IFT172: variants seen among roughly 807,000 people sequenced by gnomAD.
IFT172 encodes the protein intraflagellar transport 172, also known as intraflagellar transport protein 172 homolog.
A neutral mutation model predicts 248.9 loss-of-function variants in IFT172; 164 were observed. The observed-to-expected ratio is 0.66, with a 90% CI of 0.58 to 0.75. The LOEUF (loss-of-function observed/expected upper bound fraction) is 0.75, where lower values mean the gene tolerates loss of function less well. Among genes scored for constraint, IFT172 ranks in the 30% least tolerant of loss-of-function variants. The pLI is 0.00. For synonymous variants in IFT172, 729 were observed against 791.6 expected, an observed-to-expected ratio of 0.92 and a Z score of 1.33; for missense variants, 1,950 against 2,192.4, an observed-to-expected ratio of 0.89 and a Z score of 2.21.
chr2:27,484,403 A>G, intron 3 of IFT172, 137 bp from the exon 4 acceptor site: 1 of 771,894 alleles, frequency 1.3e-6, no homozygotes, highest in Non-Finnish European at 2.1e-6. Context: ...CATCCTGGCT[A>G]ACACAGTGAA....
chr2:27,483,122 G>C (rs1668502828), intron 7 of IFT172, among the ~76,000 whole-genome samples, 167 bp downstream of exon 7: 3 of 151,426 alleles, frequency 2.0e-5, no homozygotes, highest in African/African-American at 7.3e-5. Flanking sequence ...TTCCACTTCG[G>C]CTTCCTGAGT....
In IFT172 at chr2:27,465,824, C is replaced by A; in HGVS notation, c.1751G>T (p.Gly584Val). ...CAATGTGTAGGCAACAGTAGTCACACCTTCCATCACCATCACCTCGGTCTT... is the reference window on the plus strand; with the variant it reads ...CAATGTGTAGGCAACAGTAGTCACAACTTCCATCACCATCACCTCGGTCTT... ...GGKTEVMVMEGVTTVAYTLDE... is the reference protein window; with the variant it reads ...GGKTEVMVMEVVTTVAYTLDE... Residue 584 changes from glycine (G) to valine (V), a missense_variant, in exon 17 of 48, where the codon GGT (glycine) becomes GTT (valine). Coordinates refer to ENST00000260570, the MANE Select transcript of IFT172 (RefSeq NM_015662.3). 1 of 1,614,094 alleles carries A rather than the reference C, an allele frequency of 6.2e-7. No homozygotes were observed. Among genetic ancestry groups the A allele is most frequent in the Non-Finnish European group, 8.5e-7 (1 of 1,179,996 alleles).
At chr2:27,486,758 C>T (rs1295426217) in intron 1 of IFT172, among the ~76,000 whole-genome samples, 1 of 152,238 alleles carries the variant, frequency 6.6e-6, no homozygotes, top group Admixed American at 6.5e-5. Context: ...TCAGCCCTAC[C>T]TGCATCATGA....
At chr2:27,484,168 T>C (rs1295818052) in intron 4 of IFT172, 59 bp downstream of exon 4, 1 of 1,603,528 alleles carries the variant, frequency 6.2e-7, no homozygotes, top group Admixed American at 1.7e-5. Flanking sequence ...TATTTATAAG[T>C]AGATATACTG....
rs1457402081 is a variant in IFT172, at chr2:27,454,610, G to A, written c.3422C>T (p.Thr1141Ile). The A allele has an allele frequency of 3.1e-6, 5 of 1,614,070 alleles. No individual in the cohort carries two copies. Among genetic ancestry groups the A allele is most frequent in the Admixed American group, 3.3e-5 (2 of 59,996 alleles). ...AGCATATTTGAGATGAACCTCGGGG[G>A]TTTTGTGCTTGAGGGCCAGCCGAGA... ...ELSRLALKHKTPEVHLKYAMF... is the reference protein window; with the variant it reads ...ELSRLALKHKIPEVHLKYAMF... The change falls in exon 31 of 48, where the codon ACC (threonine) becomes ATC (isoleucine). Residue 1141 changes from threonine (T) to isoleucine (I), a missense_variant. This residue lies in a region of IFT172 where 164 missense variants were observed against 239.3 expected (regional missense o/e 0.69). Coordinates refer to ENST00000260570, the MANE Select transcript of IFT172 (RefSeq NM_015662.3). The surrounding 1 kb of genome is among the most constrained non-coding windows in gnomAD (Gnocchi z 4.2).
rs771817223 is a variant in IFT172 at position 27,465,463 on chromosome 2, T to C, written c.1885A>G (p.Lys629Glu). Residue 629 changes from lysine to glutamate, a missense_variant, in exon 18 of 48, where the codon AAA becomes GAA. Lys to Glu is a moderately conservative substitution (Grantham distance 56, BLOSUM62 1). Around this residue, in one of 3 missense-constraint regions of IFT172, gnomAD observed 1,166 missense variants for 1,254.1 expected, o/e 0.93. Coordinates refer to ENST00000260570, the MANE Select transcript of IFT172 (RefSeq NM_015662.3). ...TCTAGTGCCAGTTTACTCAAGGTTT[T>C]CCACATTGCCTCTGTTTCTGGGGTC... ...EMTPETEAMW[K>E]TLSKLALEAR... 1 of 1,614,182 alleles carries C rather than the reference T, an allele frequency of 6.2e-7. No homozygotes were observed.
Position 27,445,327 on chromosome 2 carries a change from A to G in IFT172, c.5037T>C (p.Thr1679=). ...AYEASLVAAS[T]GVRALPCLIT... is the part of the protein sequence containing the mutation. Reference sequence around the variant, plus strand: ...TAAGGCAGGGCAGGGCTCGAACACCAGTGCTCGCTGCCACTAGGGAGGCCT... The same window carrying G: ...TAAGGCAGGGCAGGGCTCGAACACCGGTGCTCGCTGCCACTAGGGAGGCCT... Residue 1679 remains threonine (T), a synonymous_variant, in exon 46 of 48, where the codon ACT becomes ACC. Coordinates refer to ENST00000260570, the MANE Select transcript of IFT172 (RefSeq NM_015662.3). This position sits in a 1 kb window ranked among gnomAD's most constrained non-coding sequence, Gnocchi z 4.4. The G allele has an allele frequency of 6.2e-7, 1 of 1,613,286 alleles. No individual in the cohort carries two copies. The highest frequency in any genetic ancestry group is 8.5e-7 in the Non-Finnish European group (1 of 1,179,762).
intron 41 of IFT172, 87 bp from the exon 42 acceptor site, chr2:27,447,721 G>A (rs960881187): frequency 1.2e-6 from 2 of 1,606,866 alleles, no homozygotes; most frequent in African/African-American, 1.3e-5. Context: ...CCTGGCAGAG[G>A]AAGGTAAAAT....
At chr2:27,458,090 A>T in intron 27 of IFT172, 36 bp downstream of exon 27, 1 of 1,608,942 alleles carries the variant, frequency 6.2e-7, no homozygotes, top group South Asian at 1.1e-5. Context: ...TTGAAATCTC[A>T]TCTCCCTCTA....
chr2:27,483,984 C>A, intron 4 of IFT172, 47 bp from the exon 5 acceptor site: 3 of 1,557,210 alleles, frequency 1.9e-6, no homozygotes, highest in Non-Finnish European at 2.7e-6. Context: ...CTGTGTGGGC[C>A]AGCACTTTTA....
intron 30 of IFT172, 80 bp downstream of exon 30, chr2:27,456,431 C>T: frequency 6.6e-7 from 1 of 1,516,294 alleles, no homozygotes; most frequent in Non-Finnish European, 8.8e-7. Flanking sequence ...ATCTTTCTTT[C>T]AGTTATACAT....
At chr2:27,463,274 T>C (rs1666823656) in intron 18 of IFT172, 93 bp from the exon 19 acceptor site, 1 of 1,181,692 alleles carries the variant, frequency 8.5e-7, no homozygotes, top group Non-Finnish European at 1.2e-6. Context: ...TGTACATCTA[T>C]GATGTGCCAG....
In IFT172 at chr2:27,484,144, G is replaced by A. The variant is rs1373484889; in HGVS notation, c.336+83C>T. On this transcript the variant is annotated intron_variant, in intron 4 of 47. Coordinates refer to ENST00000260570, the MANE Select transcript of IFT172 (RefSeq NM_015662.3). ...AAAGTCACATTCAGATGTTAGAAATGCAACTCCTGGCTGTATTTATAAGTA... is the reference window on the plus strand; with the variant it reads ...AAAGTCACATTCAGATGTTAGAAATACAACTCCTGGCTGTATTTATAAGTA... The A allele has an allele frequency of 2.6e-6, 4 of 1,560,784 alleles. No homozygotes were observed. The Admixed American group carries it at 5.0e-5, about 20-fold the overall frequency.
At chr2:27,450,949 C>CTTTTTTTTTTTT (rs540664992) in intron 35 of IFT172, among the ~76,000 whole-genome samples, 1 of 145,224 alleles carries the variant, frequency 6.9e-6, no homozygotes, top group African/African-American at 2.6e-5. Flanking sequence ...TTATTTTTAC[C>CTTTTTTTTTTTT]TGTTTTTTTT....
chr2:27,450,771 A>G (rs1365047483), intron 35 of IFT172, among the ~76,000 whole-genome samples: 1 of 151,856 alleles, frequency 6.6e-6, no homozygotes, highest in African/African-American at 2.4e-5. Context: ...TTGTATTTTT[A>G]GTAGAGATGG....
intron 11 of IFT172, among the ~76,000 whole-genome samples, 160 bp downstream of exon 11, chr2:27,477,835 G>C (rs1351054904): frequency 6.6e-6 from 1 of 152,126 alleles, no homozygotes; most frequent in Admixed American, 6.5e-5. Context: ...TTCATACTCT[G>C]GGATTATAAA....
intron 42 of IFT172, 154 bp from the exon 43 acceptor site, chr2:27,446,509 CT>C: frequency 1.8e-6 from 1 of 566,834 alleles, no homozygotes; most frequent in East Asian, 3.1e-5. Flanking sequence ...TTTTTTTTTT[CT>C]TTTTCTCTGA....
In IFT172 at chr2:27,476,736, G is replaced by T. The variant is rs756108107; in HGVS notation, c.1326-10C>A. On this transcript the variant is annotated splice_polypyrimidine_tract_variant and intron_variant, in intron 13 of 47. Coordinates refer to ENST00000260570, the MANE Select transcript of IFT172 (RefSeq NM_015662.3). ...CTCATTAATACGAACACTGAAACAT[G>T]AAGGGTGAGGTAAGGCAAAATGGGC... is the stretch of plus-strand genomic sequence containing the variant. 9 of 1,603,442 alleles carry T rather than the reference G, an allele frequency of 5.6e-6. 1 individual carries two copies. The highest frequency in any genetic ancestry group is 2.6e-6 in the Non-Finnish European group (3 of 1,170,576).
At chr2:27,475,697 A>G (rs1242312392) in intron 14 of IFT172, 2 of 152,146 alleles carry the variant, frequency 1.3e-5, no homozygotes, top group African/African-American at 4.8e-5. Context: ...AGATGAGGAA[A>G]TTGAGATATA....
Sources: gnomAD v4.1 joint callset for allele counts (sites outside exome capture counted in the v4.1 genomes callset) on GRCh38, gnomAD v4.1.1 for gene constraint, gnomAD v4.1.1 regional missense constraint, Gnocchi (gnomAD v3.1) non-coding constraint, MANE v1.5 for transcripts, NCBI Gene and HGNC (gene_info 2026-07-23, HGNC 2026-07-21) for gene names.